ZNF487: variants seen among roughly 807,000 people sequenced by gnomAD.
The protein encoded by ZNF487 is zinc finger protein 487, also known as KRAB domain only 1.
Under a neutral mutation model 3.0 loss-of-function variants are expected in ZNF487, and 4 were observed. That is an observed-to-expected ratio of 1.35 (90% confidence interval 0.66 to 3.08). The LOEUF is 3.08. Among genes scored for constraint, ZNF487 ranks in the 30% most tolerant of loss-of-function variants. The probability of loss-of-function intolerance (pLI) is 0.01; values close to 1 mark genes in which losing one functional copy is unlikely to be tolerated. For missense variants in ZNF487, 146 were observed against 98.7 expected (o/e 1.48, Z -2.03); for synonymous variants, 55 against 34.6 (o/e 1.59, Z -2.06).
At chr10:43,483,402 G>A (rs11813872), downstream of ZNF487, among the ~76,000 whole-genome samples, 4,256 of 150,908 alleles carry the variant, frequency 0.028, 94 homozygotes, top group South Asian at 0.042. Context: ...CACCATGCCC[G>A]GCTAATTTTG....
chr10:43,508,674 A>C, the ZNF487 span, among the ~76,000 whole-genome samples: 1 of 151,916 alleles, frequency 6.6e-6, no homozygotes, highest in African/African-American at 2.4e-5. Flanking sequence ...AAAAACAAAA[A>C]CAAAAACAAA....
At chr10:43,505,677 C>A in the ZNF487 span, among the ~76,000 whole-genome samples, 2 of 151,954 alleles carry the variant, frequency 1.3e-5, no homozygotes, top group Non-Finnish European at 2.9e-5. Context: ...GAGTTTTACT[C>A]TTGTCACGCA....
chr10:43,459,063 T>A (rs1342656089), intron 1 of ZNF487, among the ~76,000 whole-genome samples: 1 of 152,140 alleles, frequency 6.6e-6, no homozygotes, highest in Non-Finnish European at 1.5e-5. Context: ...AATTGAGCAT[T>A]CTGTCCAGTT....
At chr10:43,519,310 A>G in the ZNF487 span, among the ~76,000 whole-genome samples, 1 of 152,150 alleles carries the variant, frequency 6.6e-6, no homozygotes, top group Non-Finnish European at 1.5e-5. Context: ...ATCACCCACA[A>G]GCAGATCCAT....
At chr10:43,461,229 A>G (rs963859643) in intron 1 of ZNF487, among the ~76,000 whole-genome samples, 4 of 150,018 alleles carry the variant, frequency 2.7e-5, no homozygotes, top group Non-Finnish European at 5.9e-5. Flanking sequence ...CTGGTCTCAA[A>G]CTTCTGACCT....
intron 1 of ZNF487, among the ~76,000 whole-genome samples, chr10:43,450,502 G>A (rs1421076981): frequency 6.6e-6 from 1 of 152,026 alleles, no homozygotes; most frequent in Non-Finnish European, 1.5e-5. Context: ...ACAGGAATGT[G>A]CTACCACACC....
chr10:43,482,570 G>C lies in ZNF487; in HGVS notation c.*648G>C. The C allele has an allele frequency of 2.0e-6, 1 of 509,300 alleles. No individual in the cohort carries two copies. Among genetic ancestry groups the C allele is most frequent in the South Asian group, 1.5e-5 (1 of 68,476 alleles). The allele number at this position is 509,300 out of a possible 1,614,324, so 31.5% of individuals were successfully genotyped here. ...TACATCAGAGAACACACACAGGAGA[G>C]AAACCCTATGGATGTAATGAATGTC... On this transcript the variant is annotated 3_prime_UTR_variant, in exon 4 of 4. Transcript: ENST00000437590.
chr10:43,490,499 A>G, the ZNF487 span, among the ~76,000 whole-genome samples: 12 of 40,778 alleles, frequency 2.9e-4, no homozygotes, highest in South Asian at 6.7e-4. Flanking sequence ...AAGTAGCTCT[A>G]CTTTTTTTTT....
intron 3 of ZNF487, among the ~76,000 whole-genome samples, chr10:43,480,031 CTTTCTTTCTTTCTT>C (rs1841283048): frequency 2.4e-5 from 2 of 82,328 alleles, no homozygotes; most frequent in Admixed American, 2.9e-4. Flanking sequence ...TTCTTTCTTT[CTTTCTTTCTTTCTT>C]TTTCTTTCTT....
At chr10:43,455,870 G>A (rs1043231670) in intron 1 of ZNF487, among the ~76,000 whole-genome samples, 2 of 152,228 alleles carry the variant, frequency 1.3e-5, no homozygotes, top group African/African-American at 4.8e-5. Context: ...GGGACTACGG[G>A]GACGCTTCGC....
At chr10:43,503,754 G>A in the ZNF487 span, among the ~76,000 whole-genome samples, 1 of 152,028 alleles carries the variant, frequency 6.6e-6, no homozygotes, top group Non-Finnish European at 1.5e-5. Context: ...TACAAGGCAT[G>A]CACCACCATG....
chr10:43,450,085 C>T (rs983325342), intron 1 of ZNF487, among the ~76,000 whole-genome samples: 1 of 152,082 alleles, frequency 6.6e-6, no homozygotes, highest in Non-Finnish European at 1.5e-5. Flanking sequence ...CTCTTTTTGC[C>T]CGGGCTGGAG....
intron 1 of ZNF487, among the ~76,000 whole-genome samples, chr10:43,438,122 CTCA>C (rs1451739248): frequency 6.6e-6 from 1 of 152,068 alleles, no homozygotes; most frequent in Non-Finnish European, 1.5e-5. Flanking sequence ...CTTTTGAAAC[CTCA>C]TCATGGAGAG....
In ZNF487 at chr10:43,481,879, C is replaced by T. The variant is rs58052353; in HGVS notation, c.581C>T (p.Ala194Val). The T allele has an allele frequency of 3.0e-3, 2,077 of 700,042 alleles. 15 individuals are homozygous for T. Among genetic ancestry groups the T allele is most frequent in the African/African-American group, 0.018 (1,030 of 57,266 alleles). The allele number at this position is 700,042 out of a possible 1,614,324, so 43.4% of individuals were successfully genotyped here. The change falls in exon 4 of 4, where the codon GCC (alanine) becomes GTC (valine). Residue 194 changes from alanine (A) to valine (V), a missense_variant. Coordinates refer to ENST00000437590, the MANE Select transcript of ZNF487 (RefSeq NM_001355444.3). ...QCGKAFHEEA[A>V]CSTHKRVCSW... is the part of the protein sequence containing the mutation. ...GGGAAGGCTTTTCATGAAGAGGCAG[C>T]CTGCAGTACCCATAAGAGAGTGTGC...
chr10:43,480,027 CTTTCTTTCTTTCTTTCTT>C (rs1841281623), intron 3 of ZNF487, among the ~76,000 whole-genome samples: 6 of 74,934 alleles, frequency 8.0e-5, no homozygotes, highest in Non-Finnish European at 1.4e-4. Flanking sequence ...TTCTTTCTTT[CTTTCTTTCTTTCTTTCTT>C]TTTCTTTCTT....
chr10:43,455,019 T>TA (rs927665504), intron 1 of ZNF487, among the ~76,000 whole-genome samples: 1 of 150,734 alleles, frequency 6.6e-6, no homozygotes, highest in Non-Finnish European at 1.5e-5. Flanking sequence ...CACTTTTTTT[T>TA]TTTTTTTTGG....
In ZNF487 at chr10:43,480,035, CT is replaced by C. The variant is rs1175822676; in HGVS notation, c.131-1391del. Among the ~76,000 whole-genome samples the C allele has an allele frequency of 5.3e-4, 45 of 84,964 alleles. 1 individual carries two copies. The South Asian group carries it at 0.017, about 31-fold the overall frequency. 55.7% of individuals were successfully genotyped at this position (84,964 alleles called of 152,430 possible). ...TCTTTCTTTCTTTCTTTCTTTCTTTCTTTCTTTCTTTTTCTTTCTTTCTTCC... is the reference window on the plus strand; with the variant it reads ...TCTTTCTTTCTTTCTTTCTTTCTTTCTTCTTTCTTTTTCTTTCTTTCTTCC... On this transcript the variant is annotated intron_variant, in intron 3 of 3. Coordinates refer to ENST00000437590, the MANE Select transcript of ZNF487 (RefSeq NM_001355444.3).
At chr10:43,483,262 C>T, downstream of ZNF487, 2 of 373,896 alleles carry the variant, frequency 5.3e-6, no homozygotes, top group East Asian at 1.4e-4. Flanking sequence ...TTTTTTGAGA[C>T]AGAGTTTCGC....
the ZNF487 span, among the ~76,000 whole-genome samples, chr10:43,498,106 T>TTTTTTTC: frequency 4.2e-4 from 4 of 9,568 alleles, 1 homozygote; most frequent in African/African-American, 4.0e-4. Context: ...TATATTTTTT[T>TTTTTTTC]TTTTTTTCTT....
Sources: allele counts gnomAD v4.1 joint callset (sites outside exome capture counted in the v4.1 genomes callset), GRCh38; gene constraint gnomAD v4.1.1; transcripts MANE v1.5; gene names NCBI Gene and HGNC (gene_info 2026-07-23, HGNC 2026-07-21).